The following KIF2C variants were observed in gnomAD, a reference collection of about 807,000 sequenced individuals.
KIF2C encodes kinesin-like protein KIF2C.
A neutral mutation model predicts 97.4 loss-of-function variants in KIF2C; 34 were observed. The observed-to-expected ratio is 0.35, with a 90% CI of 0.27 to 0.46. KIF2C has a LOEUF of 0.46. KIF2C is among the 20% of genes least tolerant of loss of function. The pLI, the probability that KIF2C is intolerant of heterozygous loss-of-function variation, is 1.00. For missense variants in KIF2C, 750 were observed against 907.6 expected (o/e 0.83, Z 2.23); for synonymous variants, 313 against 318.2 (o/e 0.98, Z 0.17).
Position 44,753,739 on chromosome 1 carries a change from G to A in KIF2C, c.569G>A (p.Arg190Lys), listed in dbSNP as rs1359526438. The change falls in exon 7 of 21, where the codon AGG (arginine) becomes AAG (lysine). Residue 190 changes from arginine (R) to lysine (K), a missense_variant. Physicochemically the swap from Arg to Lys is conservative, Grantham distance 26 (BLOSUM62 2). Coordinates refer to ENST00000372224, the MANE Select transcript of KIF2C (RefSeq NM_006845.4). ...TTTTTTTATGTTTTCATAGTTCGGAGGAAATCATGTCTTGTGAAGGAAGTG... is the reference window on the plus strand; with the variant it reads ...TTTTTTTATGTTTTCATAGTTCGGAAGAAATCATGTCTTGTGAAGGAAGTG... ...SSANPVNSVR[R>K]KSCLVKEVEK... 6.3e-7 allele frequency: 1 copy of A among 1,597,352 alleles called. No individual in the cohort carries two copies. The highest frequency in any genetic ancestry group is 8.5e-7 in the Non-Finnish European group (1 of 1,172,018).
chr1:44,747,766 G>C (rs767935527), intron 4 of KIF2C, 66 bp downstream of exon 4: 2 of 1,449,666 alleles, frequency 1.4e-6, no homozygotes, highest in African/African-American at 1.4e-5. Context: ...CTAGGACTCA[G>C]AGTTGTGGAA....
chr1:44,761,659 T>C (rs1384672648), intron 16 of KIF2C, among the ~76,000 whole-genome samples: 1 of 151,228 alleles, frequency 6.6e-6, no homozygotes, highest in East Asian at 1.9e-4. Context: ...CAAGACTGTC[T>C]CAGTGAAGGA....
intron 4 of KIF2C, among the ~76,000 whole-genome samples, chr1:44,749,598 AAAAAT>A (rs1419747218): frequency 3.3e-5 from 5 of 152,234 alleles, no homozygotes; most frequent in African/African-American, 2.4e-5. Context: ...TATAAAAATA[AAAAAT>A]AAAATAAAAT....
Position 44,750,454 on chromosome 1 carries a change from G to A in KIF2C, c.329G>A (p.Arg110His), listed in dbSNP as rs1407372422. ...CTCGGTTCTCCAGGTCTTCGAAGCC[G>A]CTCCACTCGCATGTCCACTGTCTCA... Reference protein sequence around the residue: ...IPAPKESLRSRSTRMSTVSEL... With the variant: ...IPAPKESLRSHSTRMSTVSEL... The change falls in exon 5 of 21, where the codon CGC becomes CAC. Residue 110 changes from arginine (R) to histidine (H), a missense_variant. Arg to His is a conservative substitution (Grantham distance 29, BLOSUM62 0). Transcript: ENST00000372224. 8.1e-6 allele frequency: 12 copies of A among 1,488,870 alleles called. No homozygotes were observed. The highest frequency in any genetic ancestry group is 4.1e-5 in the South Asian group (3 of 72,840). The allele number at this position is 1,488,870 out of a possible 1,614,324, so 92.2% of individuals were successfully genotyped here.
chr1:44,746,238 C>G (rs1185562411), intron 2 of KIF2C, among the ~76,000 whole-genome samples: 2 of 152,190 alleles, frequency 1.3e-5, no homozygotes, highest in Non-Finnish European at 2.9e-5. Flanking sequence ...TCAGCTCTGT[C>G]ACATTTTGAA....
chr1:44,762,364 C>T lies in KIF2C; in HGVS notation c.1770C>T (p.Pro590=), dbSNP rs1292450521. ...RYADRVKELS[P]HSGPSGEQLI... ...TCCTCAGGGTCAAGGAGCTGAGCCC[C>T]CACAGTGGGCCCAGTGGAGAGCAGT... is the stretch of plus-strand genomic sequence containing the variant. Residue 590 remains proline (P), a synonymous_variant, in exon 18 of 21, where the codon CCC becomes CCT. Transcript: ENST00000372224. The T allele has an allele frequency of 1.9e-6, 3 of 1,614,014 alleles. No homozygotes were observed. The highest frequency in any genetic ancestry group is 1.3e-5 in the African/African-American group (1 of 75,034).
Position 44,753,196 on chromosome 1 carries a change from G to T in KIF2C, c.504G>T (p.Glu168Asp), listed in dbSNP as rs1470473039. The stretch of plus-strand genomic sequence containing the variant: ...TACCATTGAGGATGGTCAGCGAGGA[G>T]ATGGAAGAGCAAGTCCATTCCATCC... ...AEIPLRMVSE[E>D]MEEQVHSIRG... The change falls in exon 6 of 21, where the codon GAG becomes GAT. Residue 168 changes from glutamate (E) to aspartate (D), a missense_variant. Coordinates refer to ENST00000372224, the MANE Select transcript of KIF2C (RefSeq NM_006845.4). 6.2e-7 allele frequency: 1 copy of T among 1,614,060 alleles called. No individual in the cohort carries two copies. Among genetic ancestry groups the T allele is most frequent in the Non-Finnish European group, 8.5e-7 (1 of 1,179,940 alleles).
At position 44,767,242 on chromosome 1, in the gene KIF2C, A is replaced by C. The variant is rs945576058; in HGVS notation, c.*63A>C. The C allele has an allele frequency of 2.7e-6, 4 of 1,464,276 alleles. No individual in the cohort carries two copies. The highest frequency in any genetic ancestry group is 3.8e-6 in the Non-Finnish European group (4 of 1,048,268). The allele number at this position is 1,464,276 out of a possible 1,614,324, so 90.7% of individuals were successfully genotyped here. A position where few individuals can be genotyped will look rare whatever the true frequency, so the allele number is the denominator to read the frequency against. On this transcript the variant is annotated 3_prime_UTR_variant, in exon 21 of 21. Transcript: ENST00000372224. ...CCTCTTCCCTGGCCCTCCCCAGAGA[A>C]CTTTGGGTACCTGGTGGGTCTAGGC... is the stretch of plus-strand genomic sequence containing the variant.
At chr1:44,753,856 G>A (rs1649663946) in intron 7 of KIF2C, 23 bp downstream of exon 7, 6 of 1,499,018 alleles carry the variant, frequency 4.0e-6, no homozygotes, top group Non-Finnish European at 5.5e-6. Context: ...GGAGACTAGG[G>A]TAAGGGTTTT....
At chr1:44,753,032 A>AG (rs1649610162) in intron 5 of KIF2C, 100 bp from the exon 6 acceptor site, 3 of 1,411,452 alleles carry the variant, frequency 2.1e-6, no homozygotes, top group Non-Finnish European at 2.9e-6. Context: ...CTTACCGAGC[A>AG]GGCAGGTCGC....
Position 44,767,201 on chromosome 1 carries a change from T to A in KIF2C, c.*22T>A, listed in dbSNP as rs1454315294. The A allele has an allele frequency of 6.2e-7, 1 of 1,607,838 alleles. No individual in the cohort carries two copies. Among genetic ancestry groups the A allele is most frequent in the African/African-American group, 1.3e-5 (1 of 74,796 alleles). On this transcript the variant is annotated 3_prime_UTR_variant, in exon 21 of 21. Transcript: ENST00000372224. ...GTGACGACTGCAAATAAAAATCTGT[T>A]TGGTTTGACACCCAGCCTCTTCCCT...
intron 5 of KIF2C, 128 bp downstream of exon 5, chr1:44,750,692 C>T: frequency 9.3e-7 from 1 of 1,071,142 alleles, no homozygotes; most frequent in Non-Finnish European, 1.2e-6. Context: ...CCTGCCCTAC[C>T]AACACGGCTT....
intron 5 of KIF2C, 50 bp downstream of exon 5, chr1:44,750,614 AT>A (rs752699416): frequency 1.9e-5 from 27 of 1,439,830 alleles, no homozygotes; most frequent in Non-Finnish European, 2.5e-5. Context: ...CCTGGAGCAC[AT>A]TGCTTGGTCC....
intron 5 of KIF2C, among the ~76,000 whole-genome samples, chr1:44,752,546 A>C (rs1649585764): frequency 6.6e-6 from 1 of 152,180 alleles, no homozygotes; most frequent in Admixed American, 6.5e-5. Flanking sequence ...AGATTATATA[A>C]ATTAGATGCA....
rs117858030 is a variant in KIF2C, at chr1:44,748,077, G to A, written c.316+377G>A. 4.7e-3 allele frequency among the ~76,000 whole-genome samples: 723 copies of A among 152,332 alleles called. 4 individuals are homozygous for A. Among genetic ancestry groups the A allele is most frequent in the East Asian group, 6.9e-3 (36 of 5,188 alleles). Reference sequence around the variant, plus strand: ...ATGGGAGACACTAGGCCTGTGGGTTGTTTAGAAGTACAGTTGGTGGCGCTA... The same window carrying A: ...ATGGGAGACACTAGGCCTGTGGGTTATTTAGAAGTACAGTTGGTGGCGCTA... On this transcript the variant is annotated intron_variant, in intron 4 of 20. Coordinates refer to ENST00000372224, the MANE Select transcript of KIF2C (RefSeq NM_006845.4).
At chr1:44,751,652 G>A (rs1649522809) in intron 5 of KIF2C, among the ~76,000 whole-genome samples, 1 of 151,052 alleles carries the variant, frequency 6.6e-6, no homozygotes, top group South Asian at 2.1e-4. Flanking sequence ...GAGATTACAG[G>A]CATGTGCTAC....
In KIF2C at chr1:44,758,109, A is replaced by C; in HGVS notation, c.1193A>C (p.Tyr398Ser). ...TACCGGAAGTTGGGCCTGGAAGTCTATGTGACATTCTTCGAGATCTACAAT... is the reference window on the plus strand; with the variant it reads ...TACCGGAAGTTGGGCCTGGAAGTCTCTGTGACATTCTTCGAGATCTACAAT... ...PCYRKLGLEV[Y>S]VTFFEIYNGK... Residue 398 changes from tyrosine (Y) to serine (S), a missense_variant, in exon 13 of 21, where the codon TAT becomes TCT. Coordinates refer to ENST00000372224, the MANE Select transcript of KIF2C (RefSeq NM_006845.4). 3 of 1,613,760 alleles carry C rather than the reference A, an allele frequency of 1.9e-6. No individual in the cohort carries two copies. The highest frequency in any genetic ancestry group is 2.5e-6 in the Non-Finnish European group (3 of 1,179,932).
At chr1:44,751,635 A>T (rs529137911) in intron 5 of KIF2C, among the ~76,000 whole-genome samples, 143 of 146,186 alleles carry the variant, frequency 9.8e-4, no homozygotes, top group Non-Finnish European at 1.7e-3. Flanking sequence ...CAGCCTCCCG[A>T]GTAGGTGAGA....
chr1:44,747,314 A>C (rs1185861527), intron 2 of KIF2C, 70 bp from the exon 3 acceptor site: 20 of 1,372,856 alleles, frequency 1.5e-5, no homozygotes, highest in Non-Finnish European at 2.0e-5. Context: ...TCTCAAAAAA[A>C]AAAAAAAAGA....
Sources: allele counts gnomAD v4.1 joint callset (sites outside exome capture counted in the v4.1 genomes callset), GRCh38; gene constraint gnomAD v4.1.1; transcripts MANE v1.5; gene names NCBI Gene and HGNC (gene_info 2026-07-23, HGNC 2026-07-21).